FBXO30: variants seen among roughly 807,000 people sequenced by gnomAD.
FBXO30 encodes the protein F-box protein 30.
A neutral mutation model predicts 58.1 loss-of-function variants in FBXO30; 21 were observed. The observed-to-expected ratio is 0.36, with a 90% confidence interval of 0.26 to 0.52. FBXO30 has a LOEUF of 0.52. Among genes scored for constraint, FBXO30 ranks in the 20% least tolerant of loss-of-function variants. The probability of loss-of-function intolerance (pLI) is 0.93; values close to 1 mark genes in which losing one functional copy is unlikely to be tolerated. For synonymous variants in FBXO30, 309 were observed against 312.4 expected, an observed-to-expected ratio of 0.99 and a Z score of 0.11; for missense variants, 744 against 897.3, an observed-to-expected ratio of 0.83 and a Z score of 2.18.
At chr6:145,812,740 TAAA>T (rs1174303805) in intron 1 of FBXO30, among the ~76,000 whole-genome samples, 1 of 151,954 alleles carries the variant, frequency 6.6e-6, no homozygotes, top group Non-Finnish European at 1.5e-5. Flanking sequence ...ACTCATTCTT[TAAA>T]AAAAAGATTT....
chr6:145,795,259 G>A lies in FBXO30; in HGVS notation c.*4847C>T, dbSNP rs143228533. On this transcript the variant is annotated 3_prime_UTR_variant, in exon 3 of 3. Transcript: ENST00000237281. The stretch of plus-strand genomic sequence containing the variant: ...AATCTGATGAATTTGCCTTTGTTAG[G>A]AGCAACTGACCTAATTTATTGGTCT... The A allele has an allele frequency of 6.6e-6, 1 of 151,848 alleles. No individual in the cohort carries two copies. Among genetic ancestry groups the A allele is most frequent in the East Asian group, 1.9e-4 (1 of 5,172 alleles). 9.4% of individuals were successfully genotyped at this position (151,848 alleles called of 1,614,324 possible).
At position 145,806,086 on chromosome 6, in the gene FBXO30, T is replaced by C; in HGVS notation, c.320A>G (p.Tyr107Cys). The stretch of plus-strand genomic sequence containing the variant: ...ATCGACATCTCTGCTTAGATTTTCA[T>C]ATGATTTCCGGTCTGCATAACTAAC... ...WPVSYADRKS[Y>C]ENLSRDVDEV... The change falls in exon 2 of 3, where the codon TAT becomes TGT. Residue 107 changes from tyrosine to cysteine, a missense_variant. Coordinates refer to ENST00000237281, the MANE Select transcript of FBXO30 (RefSeq NM_032145.5). 1 of 1,614,136 alleles carries C rather than the reference T, an allele frequency of 6.2e-7. No individual in the cohort carries two copies. Among genetic ancestry groups the C allele is most frequent in the Non-Finnish European group, 8.5e-7 (1 of 1,179,998 alleles).
rs916292120 is a variant in FBXO30, at chr6:145,795,104, A to G, written c.*5002T>C. The G allele has an allele frequency of 1.3e-5, 2 of 151,828 alleles. No homozygotes were observed. Among genetic ancestry groups the G allele is most frequent in the Non-Finnish European group, 3.0e-5 (2 of 67,796 alleles). 9.4% of individuals were successfully genotyped at this position (151,828 alleles called of 1,614,324 possible). A position where few individuals can be genotyped will look rare whatever the true frequency, so the allele number is the denominator to read the frequency against. On this transcript the variant is annotated 3_prime_UTR_variant, in exon 3 of 3. Transcript: ENST00000237281. ...ATAACAATGTTACTTTTTGACTGGA[A>G]GGGGTATTAAAAAGCTGTCTAACTC...
At position 145,804,744 on chromosome 6, in the gene FBXO30, C is replaced by T; in HGVS notation, c.1662G>A (p.Arg554=). 1 of 1,613,956 alleles carries T rather than the reference C, an allele frequency of 6.2e-7. No individual in the cohort carries two copies. Residue 554 remains arginine, a synonymous_variant, in exon 2 of 3, where the codon AGG becomes AGA. Coordinates refer to ENST00000237281, the MANE Select transcript of FBXO30 (RefSeq NM_032145.5). ...HAGLNGWMEQ[R]CPLAYYGCTY... ...TACAACCATAGTAAGCTAAAGGGCA[C>T]CTCTGTTCCATCCAGCCATTGAGTC...
chr6:145,802,498 G>T (rs535649805), intron 2 of FBXO30, among the ~76,000 whole-genome samples: 10 of 152,202 alleles, frequency 6.6e-5, no homozygotes, highest in Admixed American at 6.5e-4. Flanking sequence ...TCAGGGAACT[G>T]TAAGTAAATC....
chr6:145,807,167 G>T (rs1199032171), intron 1 of FBXO30, among the ~76,000 whole-genome samples: 1 of 152,158 alleles, frequency 6.6e-6, no homozygotes, highest in African/African-American at 2.4e-5. Flanking sequence ...GCAATATAAA[G>T]ATTAGCAAGT....
At chr6:145,813,418 A>G (rs1055160038) in intron 1 of FBXO30, among the ~76,000 whole-genome samples, 1 of 152,190 alleles carries the variant, frequency 6.6e-6, no homozygotes, top group African/African-American at 2.4e-5. Flanking sequence ...ATCCCCAATT[A>G]AACTTTTGTG....
intron 1 of FBXO30, among the ~76,000 whole-genome samples, chr6:145,810,453 T>C (rs947776807): frequency 2.6e-5 from 4 of 152,208 alleles, no homozygotes; most frequent in Admixed American, 2.6e-4. Flanking sequence ...CAGTTAACAG[T>C]GACACAGTAG....
chr6:145,810,458 C>G (rs6921551), intron 1 of FBXO30, among the ~76,000 whole-genome samples: 2 of 152,090 alleles, frequency 1.3e-5, no homozygotes, highest in South Asian at 4.1e-4. Flanking sequence ...AACAGTGACA[C>G]AGTAGGCACA....
intron 1 of FBXO30, among the ~76,000 whole-genome samples, chr6:145,807,237 C>A (rs745629737): frequency 2.0e-5 from 3 of 152,060 alleles, no homozygotes; most frequent in Non-Finnish European, 2.9e-5. Flanking sequence ...AAGTGTATCT[C>A]GTTTTTATGT....
chr6:145,809,017 T>G (rs1430205271), intron 1 of FBXO30, among the ~76,000 whole-genome samples: 1 of 132,034 alleles, frequency 7.6e-6, no homozygotes, highest in Non-Finnish European at 1.8e-5. Flanking sequence ...ATTATGGTGT[T>G]CAATGATGTC....
At chr6:145,801,231 G>A (rs1777987085) in intron 2 of FBXO30, among the ~76,000 whole-genome samples, 1 of 152,118 alleles carries the variant, frequency 6.6e-6, no homozygotes, top group Non-Finnish European at 1.5e-5. Context: ...TTTATCAACA[G>A]GCAAATGTCT....
At chr6:145,811,387 G>A (rs1347810212) in intron 1 of FBXO30, among the ~76,000 whole-genome samples, 4 of 152,090 alleles carry the variant, frequency 2.6e-5, no homozygotes, top group African/African-American at 9.7e-5. Flanking sequence ...ATATGTTCCA[G>A]GCATTATATA....
At chr6:145,814,467 C>G (rs1053707448) in intron 1 of FBXO30, 136 bp downstream of exon 1, 1 of 151,994 alleles carries the variant, frequency 6.6e-6, no homozygotes, top group Non-Finnish European at 1.5e-5. Flanking sequence ...CTGCTCCAGG[C>G]CGGGCCCGTC....
chr6:145,808,809 G>A (rs952395800), intron 1 of FBXO30, among the ~76,000 whole-genome samples: 5 of 152,140 alleles, frequency 3.3e-5, no homozygotes, highest in South Asian at 2.1e-4. Context: ...ACCTCAGTGC[G>A]TAAGAGATTA....
Position 145,797,851 on chromosome 6 carries a change from T to C in FBXO30, c.*2255A>G, listed in dbSNP as rs1374110129. The C allele has an allele frequency of 5.3e-5, 8 of 152,024 alleles. No individual in the cohort carries two copies. The highest frequency in any genetic ancestry group is 5.2e-4 in the Admixed American group (8 of 15,244). The allele number at this position is 152,024 out of a possible 1,614,324, so 9.4% of individuals were successfully genotyped here. A position where few individuals can be genotyped will look rare whatever the true frequency, so the allele number is the denominator to read the frequency against. ...TGATGACTTCTCAAAGTACAATCTA[T>C]TAGGCCAACATAAAAACCTTTTCAT... On this transcript the variant is annotated 3_prime_UTR_variant, in exon 3 of 3. Coordinates refer to ENST00000237281, the MANE Select transcript of FBXO30 (RefSeq NM_032145.5).
rs1777881320 is a variant in FBXO30 at position 145,797,131 on chromosome 6, G to C, written c.*2975C>G. ...CAACCACTAAACAAGAGAATGAGATGACTAGGCTAAATGTTACTGCTAATG... is the reference window on the plus strand; with the variant it reads ...CAACCACTAAACAAGAGAATGAGATCACTAGGCTAAATGTTACTGCTAATG... On this transcript the variant is annotated 3_prime_UTR_variant, in exon 3 of 3. Coordinates refer to ENST00000237281, the MANE Select transcript of FBXO30 (RefSeq NM_032145.5). The C allele has an allele frequency of 6.6e-6, 1 of 151,878 alleles. No individual in the cohort carries two copies. Among genetic ancestry groups the C allele is most frequent in the Non-Finnish European group, 1.5e-5 (1 of 67,892 alleles). The allele number at this position is 151,878 out of a possible 1,614,324, so 9.4% of individuals were successfully genotyped here. A position where few individuals can be genotyped will look rare whatever the true frequency, so the allele number is the denominator to read the frequency against.
Position 145,804,942 on chromosome 6 carries a change from T to G in FBXO30, c.1464A>C (p.Pro488=). Residue 488 remains proline (P), a synonymous_variant, in exon 2 of 3, where the codon CCA becomes CCC. Coordinates refer to ENST00000237281, the MANE Select transcript of FBXO30 (RefSeq NM_032145.5). ...GAAACGGACTTGGATTTGAAAGCTG[T>G]GGATTGGCATGATCACAAGCTGAAG... ...ASASACDHAN[P]QLSNPSPFQT... is the part of the protein sequence containing the mutation. The G allele has an allele frequency of 1.9e-6, 3 of 1,613,910 alleles. No homozygotes were observed. The highest frequency in any genetic ancestry group is 2.5e-6 in the Non-Finnish European group (3 of 1,179,912).
chr6:145,805,283 C>A lies in FBXO30; in HGVS notation c.1123G>T (p.Val375Leu), dbSNP rs9373475. The A allele has an allele frequency of 6.2e-7, 1 of 1,613,826 alleles. No homozygotes were observed. Among genetic ancestry groups the A allele is most frequent in the Non-Finnish European group, 8.5e-7 (1 of 1,179,922 alleles). The change falls in exon 2 of 3, where the codon GTG (valine) becomes TTG (leucine). Residue 375 changes from valine (V) to leucine (L), a missense_variant. By Grantham distance (32) the Val-to-Leu change is conservative. This residue lies in a region of FBXO30 where 275 missense variants were observed against 262.0 expected (regional missense o/e 1.05). Coordinates refer to ENST00000237281, the MANE Select transcript of FBXO30 (RefSeq NM_032145.5). ...LCWKKVDLGD[V>L]KNVDVLSFSH... is the part of the protein sequence containing the mutation. ...AAAGATAAGACATCCACATTCTTCACGTCCCCTAAGTCTACTTTTTTCCAA... is the reference window on the plus strand; with the variant it reads ...AAAGATAAGACATCCACATTCTTCAAGTCCCCTAAGTCTACTTTTTTCCAA...
Sources: gnomAD v4.1 joint callset for allele counts (sites outside exome capture counted in the v4.1 genomes callset) on GRCh38, gnomAD v4.1.1 for gene constraint, gnomAD v4.1.1 regional missense constraint, MANE v1.5 for transcripts, NCBI Gene and HGNC (gene_info 2026-07-23, HGNC 2026-07-21) for gene names.